The following TMEM132A variants were observed in gnomAD, a reference collection of about 807,000 sequenced individuals.
TMEM132A encodes transmembrane protein 132A.
A neutral mutation model predicts 69.9 loss-of-function variants in TMEM132A; 48 were observed. That is an observed-to-expected ratio of 0.69 (90% CI 0.55 to 0.87). TMEM132A has a LOEUF of 0.87. Among genes scored for constraint, TMEM132A ranks in the 40% least tolerant of loss-of-function variants. TMEM132A has a pLI of 0.00. For missense variants in TMEM132A, 1,287 were observed against 1,407.2 expected, an observed-to-expected ratio of 0.91 and a Z score of 1.37; for synonymous variants, 577 against 613.7, an observed-to-expected ratio of 0.94 and a Z score of 0.88.
At position 60,928,652 on chromosome 11, in the gene TMEM132A, G is replaced by A. The variant is rs774586914; in HGVS notation, c.558G>A (p.Val186=). 10 of 1,609,676 alleles carry A rather than the reference G, an allele frequency of 6.2e-6. No homozygotes were observed. The highest frequency in any genetic ancestry group is 2.7e-5 in the African/African-American group (2 of 74,884). Reference sequence around the variant, plus strand: ...AGCCATCCCTGGGCGCCTGCGTGGTGGAGCTGGAGCTTCCCTCGCACTGGT... The same window carrying A: ...AGCCATCCCTGGGCGCCTGCGTGGTAGAGCTGGAGCTTCCCTCGCACTGGT... ...RFQPSLGACV[V]ELELPSHWFS... Residue 186 remains valine (V), a synonymous_variant, in exon 4 of 11, where the codon GTG becomes GTA. Coordinates refer to ENST00000453848, the MANE Select transcript of TMEM132A (RefSeq NM_178031.3).
At chr11:60,927,577 C>T (rs1236800043) in intron 2 of TMEM132A, 64 bp from the exon 3 acceptor site, 1 of 1,494,324 alleles carries the variant, frequency 6.7e-7, no homozygotes, top group Non-Finnish European at 9.1e-7. Flanking sequence ...AGCTGGGATC[C>T]CATCTTCCTA....
Position 60,931,753 on chromosome 11 carries a change from G to T in TMEM132A, c.1081G>T (p.Val361Leu), listed in dbSNP as rs147239477. The T allele has an allele frequency of 6.2e-7, 1 of 1,614,096 alleles. No homozygotes were observed. The highest frequency in any genetic ancestry group is 8.5e-7 in the Non-Finnish European group (1 of 1,180,052). ...GGTGGAGAATAGCACTGGTGGGGGC[G>T]TAGCGGTCACTCGCCCCGTCACGTG... ...FVVENSTGGG[V>L]AVTRPVTWQL... Residue 361 changes from valine (V) to leucine (L), a missense_variant, in exon 6 of 11, where the codon GTA becomes TTA. Val to Leu is a conservative substitution (Grantham distance 32). Transcript: ENST00000453848.
Position 60,924,655 on chromosome 11 carries a change from C to G in TMEM132A, c.22C>G (p.Arg8Gly). 1 of 1,594,308 alleles carries G rather than the reference C, an allele frequency of 6.3e-7. No individual in the cohort carries two copies. Among genetic ancestry groups the G allele is most frequent in the East Asian group, 2.3e-5 (1 of 44,168 alleles). The change falls in exon 1 of 11, where the codon CGC becomes GGC. Residue 8 changes from arginine (R) to glycine (G), a missense_variant. Transcript: ENST00000453848. The stretch of plus-strand genomic sequence containing the variant: ...AAGGATGTGCGCGCGGATGGCCGGT[C>G]GCACAACAGCGGCCCCTCGGGGGCC... Reference protein sequence around the residue: MCARMAGRTTAAPRGPYG... With the variant: MCARMAGGTTAAPRGPYG...
Position 60,936,787 on chromosome 11 carries a change from T to C in TMEM132A, c.2952T>C (p.Pro984=). ...CACCTGAGGAGCCTGTAGGGGCCCC[T>C]GCTGTGCAGTCCATCCTTGTGGCAG... is the stretch of plus-strand genomic sequence containing the variant. ...AQSPEEPVGA[P]AVQSILVAGE... is the part of the protein sequence containing the mutation. Residue 984 remains proline (P), a synonymous_variant, in exon 11 of 11, where the codon CCT becomes CCC. Transcript: ENST00000453848. 6.2e-7 allele frequency: 1 copy of C among 1,613,392 alleles called. No homozygotes were observed. The highest frequency in any genetic ancestry group is 8.5e-7 in the Non-Finnish European group (1 of 1,179,738).
At chr11:60,934,344 G>T in intron 8 of TMEM132A, 144 bp from the exon 9 acceptor site, 1 of 744,380 alleles carries the variant, frequency 1.3e-6, no homozygotes, top group Non-Finnish European at 1.9e-6. Flanking sequence ...GACCCCAAGA[G>T]GGGCGGATGT....
chr11:60,930,528 G>C lies in TMEM132A; in HGVS notation c.885G>C (p.Gly295=). The C allele has an allele frequency of 6.2e-7, 1 of 1,607,680 alleles. No individual in the cohort carries two copies. The highest frequency in any genetic ancestry group is 1.7e-5 in the Admixed American group (1 of 59,146). The change falls in exon 5 of 11, where the codon GGG becomes GGC. Residue 295 remains glycine, a synonymous_variant. Transcript: ENST00000453848. ...LLTLRIKVKK[G]LHVTAARPAQ... is the part of the protein sequence containing the mutation. Reference sequence around the variant, plus strand: ...TCCCCAGGATCAAGGTGAAGAAGGGGCTGCATGTGACAGCCGCCCGCCCAG... The same window carrying C: ...TCCCCAGGATCAAGGTGAAGAAGGGCCTGCATGTGACAGCCGCCCGCCCAG...
chr11:60,935,881 A>G lies in TMEM132A; in HGVS notation c.2046A>G (p.Leu682=), dbSNP rs1482351222. 1.2e-6 allele frequency: 2 copies of G among 1,611,310 alleles called. No individual in the cohort carries two copies. Among genetic ancestry groups the G allele is most frequent in the East Asian group, 2.2e-5 (1 of 44,840 alleles). Residue 682 remains leucine, a synonymous_variant, in exon 11 of 11, where the codon CTA becomes CTG. Coordinates refer to ENST00000453848, the MANE Select transcript of TMEM132A (RefSeq NM_178031.3). The surrounding 1 kb of genome is among the most constrained non-coding windows in gnomAD (Gnocchi z 5.0). Reference sequence around the variant, plus strand: ...CCCCACAGGAGGTGGCCCTCTCCCTATGGCTGTCCTTCTCTGATCACACTG... The same window carrying G: ...CCCCACAGGAGGTGGCCCTCTCCCTGTGGCTGTCCTTCTCTGATCACACTG... ...PAPKQEVALS[L]WLSFSDHTVA... is the part of the protein sequence containing the mutation.
chr11:60,933,370 G>C (rs1403320401), intron 7 of TMEM132A, 172 bp from the exon 8 acceptor site: 1 of 594,802 alleles, frequency 1.7e-6, no homozygotes, highest in African/African-American at 1.9e-5. Context: ...TTTTTGTAGA[G>C]AGGGAGTTTT....
In TMEM132A at chr11:60,926,742, G is replaced by A. The variant is rs1856354468; in HGVS notation, c.101-462G>A. 2.5e-5 allele frequency: 6 copies of A among 239,100 alleles called. No individual in the cohort carries two copies. The South Asian group carries it at 2.7e-4, about 11-fold the overall frequency. The allele number at this position is 239,100 out of a possible 1,614,324, so 14.8% of individuals were successfully genotyped here. A position where few individuals can be genotyped will look rare whatever the true frequency, so the allele number is the denominator to read the frequency against. On this transcript the variant is annotated intron_variant, in intron 1 of 10. Transcript: ENST00000453848. ...TGCAGGTTGCCATGGCAATGATGGG[G>A]GAGGAGGGGTGGATGCCCAGCAGAG... is the stretch of plus-strand genomic sequence containing the variant.
chr11:60,933,659 G>T lies in TMEM132A; in HGVS notation c.1474G>T (p.Ala492Ser). The T allele has an allele frequency of 1.2e-6, 2 of 1,605,770 alleles. No individual in the cohort carries two copies. Among genetic ancestry groups the T allele is most frequent in the South Asian group, 1.1e-5 (1 of 90,634 alleles). ...CGCCTCGCTGCGGCTGACCGTGTGG[G>T]CCCCCCTGCTACCGCTGCGTATCGA... The part of the protein sequence containing the change: ...LRASLRLTVW[A>S]PLLPLRIELT... The change falls in exon 8 of 11, where the codon GCC becomes TCC. Residue 492 changes from alanine (A) to serine (S), a missense_variant. Ala to Ser is a moderately conservative substitution (Grantham distance 99). Transcript: ENST00000453848.
rs1856533278 is a variant in TMEM132A, at chr11:60,933,805, G to A, written c.1559+61G>A. ...CGAGTCACACTGGGACGGAGAGGGC[G>A]CAGGGGACACAGCCATGGGCCCAAG... On this transcript the variant is annotated intron_variant, in intron 8 of 10. Transcript: ENST00000453848. The A allele has an allele frequency of 5.5e-6, 8 of 1,451,590 alleles. No individual in the cohort carries two copies. In the South Asian group the frequency reaches 7.8e-5, roughly 14 times the overall value. 89.9% of individuals were successfully genotyped at this position (1,451,590 alleles called of 1,614,324 possible).
In TMEM132A at chr11:60,927,234, T is replaced by G; in HGVS notation, c.131T>G (p.Val44Gly). 3.7e-6 allele frequency: 6 copies of G among 1,613,580 alleles called. No individual in the cohort carries two copies. The highest frequency in any genetic ancestry group is 1.3e-5 in the African/African-American group (1 of 75,012). ...VDCGQAPLDPVYLPAALELLD... is the reference protein window; with the variant it reads ...VDCGQAPLDPGYLPAALELLD... The stretch of plus-strand genomic sequence containing the variant: ...TGTGGCCAGGCTCCCCTGGACCCTG[T>G]CTACCTGCCGGCAGCCCTGGAGCTC... Residue 44 changes from valine (V) to glycine (G), a missense_variant, in exon 2 of 11, where the codon GTC becomes GGC. Coordinates refer to ENST00000453848, the MANE Select transcript of TMEM132A (RefSeq NM_178031.3).
rs1211617691 is a variant in TMEM132A at position 60,936,940 on chromosome 11, G to C, written c.*33G>C. The stretch of plus-strand genomic sequence containing the variant: ...CAGCCACCTGGTCAGCCACCAGCTG[G>C]GGCAACGAGGGTGGAGGTCCCACTG... On this transcript the variant is annotated 3_prime_UTR_variant, in exon 11 of 11. Coordinates refer to ENST00000453848, the MANE Select transcript of TMEM132A (RefSeq NM_178031.3). 5 of 1,496,466 alleles carry C rather than the reference G, an allele frequency of 3.3e-6. No individual in the cohort carries two copies. In the East Asian group the frequency reaches 1.2e-4, roughly 35 times the overall value. The allele number at this position is 1,496,466 out of a possible 1,614,324, so 92.7% of individuals were successfully genotyped here. A position where few individuals can be genotyped will look rare whatever the true frequency, so the allele number is the denominator to read the frequency against.
Position 60,935,202 on chromosome 11 carries a change from G to C in TMEM132A, c.1837-50G>C. 3 of 1,536,840 alleles carry C rather than the reference G, an allele frequency of 2.0e-6. No individual in the cohort carries two copies. Among genetic ancestry groups the C allele is most frequent in the Non-Finnish European group, 2.6e-6 (3 of 1,132,570 alleles). ...GGAGCACCCGGTTCCCTCTGGGTGG[G>C]GGCTGTCTGTATGGAAGGCCCCCCA... On this transcript the variant is annotated intron_variant, in intron 9 of 10. Coordinates refer to ENST00000453848, the MANE Select transcript of TMEM132A (RefSeq NM_178031.3). The surrounding 1 kb of genome is among the most constrained non-coding windows in gnomAD (Gnocchi z 5.0).
intron 3 of TMEM132A, 36 bp from the exon 4 acceptor site, chr11:60,928,593 A>T (rs755171237): frequency 1.9e-6 from 3 of 1,584,544 alleles, no homozygotes; most frequent in Admixed American, 3.4e-5. Flanking sequence ...CCCTGCACCC[A>T]CCCCCATGCC....
chr11:60,928,759 G>A lies in TMEM132A; in HGVS notation c.665G>A (p.Gly222Asp). 6.2e-7 allele frequency: 1 copy of A among 1,608,888 alleles called. No individual in the cohort carries two copies. Among genetic ancestry groups the A allele is most frequent in the South Asian group, 1.1e-5 (1 of 90,848 alleles). ...GAGGGCCCTGGGGGCTGTGGCTCCG[G>A]CGAGGAGAACGACCCTGGGGAGCAG... ...AAEGPGGCGS[G>D]EENDPGEQAL... Residue 222 changes from glycine to aspartate, a missense_variant, in exon 4 of 11, where the codon GGC (glycine) becomes GAC (aspartate). Physicochemically the swap from Gly to Asp is moderately conservative, Grantham distance 94. Coordinates refer to ENST00000453848, the MANE Select transcript of TMEM132A (RefSeq NM_178031.3).
Position 60,927,408 on chromosome 11 carries a change from C to A in TMEM132A, c.305C>A (p.Ala102Asp). The change falls in exon 2 of 11, where the codon GCC becomes GAC. Residue 102 changes from alanine to aspartate, a missense_variant. Physicochemically the swap from Ala to Asp is moderately radical, Grantham distance 126. Transcript: ENST00000453848. The stretch of plus-strand genomic sequence containing the variant: ...CTCCGGGCCTCCTACCCACCTTTTG[C>A]CACTCAGCAGGTAAGGAGGGGGCAC... ...PLLRASYPPF[A>D]TQQVVPPRVT... 2 of 1,612,186 alleles carry A rather than the reference C, an allele frequency of 1.2e-6. No individual in the cohort carries two copies. Among genetic ancestry groups the A allele is most frequent in the Non-Finnish European group, 1.7e-6 (2 of 1,179,186 alleles).
At chr11:60,933,030 G>T (rs988370869) in intron 7 of TMEM132A, 1 of 152,574 alleles carries the variant, frequency 6.6e-6, no homozygotes, top group African/African-American at 2.4e-5. Context: ...TCAAGGAATG[G>T]CCCCTACAGT....
rs965002361 is a variant in TMEM132A at position 60,927,865 on chromosome 11, T to G, written c.534+6T>G. On this transcript the variant is annotated splice_donor_region_variant and intron_variant, in intron 3 of 10. Transcript: ENST00000453848. ...ACCAAGCCTGCCGCTTCCAGGTGAGTAGACAGGCCCCACCTAGGCTGGTCC... is the reference window on the plus strand; with the variant it reads ...ACCAAGCCTGCCGCTTCCAGGTGAGGAGACAGGCCCCACCTAGGCTGGTCC... The G allele has an allele frequency of 2.5e-6, 4 of 1,604,296 alleles. No individual in the cohort carries two copies. Among genetic ancestry groups the G allele is most frequent in the South Asian group, 2.2e-5 (2 of 90,652 alleles).
Sources: allele counts gnomAD v4.1 joint callset, GRCh38; gene constraint gnomAD v4.1.1; non-coding constraint Gnocchi (gnomAD v3.1); transcripts MANE v1.5; gene names NCBI Gene and HGNC (gene_info 2026-07-23, HGNC 2026-07-21).